Variants in FHIT observed in about 807,000 individuals in gnomAD.
FHIT encodes the protein bis(5'-adenosyl)-triphosphatase.
FHIT carries 19 observed loss-of-function variants against 17.9 expected under a neutral mutation model. The observed-to-expected ratio is 1.06, with a 90% CI of 0.74 to 1.56. FHIT has a LOEUF of 1.56. FHIT is among the 40% of genes most tolerant of loss of function. FHIT has a pLI of 0.00. For missense variants in FHIT, 248 were observed against 189.2 expected (o/e 1.31, Z -1.82); for synonymous variants, 81 against 69.7 (o/e 1.16, Z -0.81).
At chr3:60,122,381 T>A (rs139599553) in intron 5 of FHIT, among the ~76,000 whole-genome samples, 1 of 151,928 alleles carries the variant, frequency 6.6e-6, no homozygotes, top group African/African-American at 2.4e-5. Context: ...AACATTTGAG[T>A]TCATGAAATA....
intron 8 of FHIT, among the ~76,000 whole-genome samples, chr3:59,877,783 A>C (rs1313244188): frequency 6.6e-6 from 1 of 152,236 alleles, no homozygotes; most frequent in Non-Finnish European, 1.5e-5. Context: ...TCCTATAAGA[A>C]TACTAGCCAT....
chr3:60,160,821 A>AGT (rs1559687221), intron 5 of FHIT, among the ~76,000 whole-genome samples: 2 of 128,056 alleles, frequency 1.6e-5, no homozygotes, highest in African/African-American at 5.5e-5. Context: ...CATGTGTGTG[A>AGT]GTGTGACAGA....
intron 8 of FHIT, among the ~76,000 whole-genome samples, chr3:59,797,855 A>C (rs1214550360): frequency 6.6e-6 from 1 of 152,222 alleles, no homozygotes; most frequent in Non-Finnish European, 1.5e-5. Flanking sequence ...AGACATTTTT[A>C]TTAACAGAAC....
At chr3:60,046,491 G>C (rs1701659599) in intron 5 of FHIT, among the ~76,000 whole-genome samples, 1 of 152,198 alleles carries the variant, frequency 6.6e-6, no homozygotes, top group Non-Finnish European at 1.5e-5. Context: ...CCTGTCTAAA[G>C]TATATATGAC....
At chr3:59,898,610 T>G (rs1240645305) in intron 8 of FHIT, among the ~76,000 whole-genome samples, 3 of 152,170 alleles carry the variant, frequency 2.0e-5, no homozygotes, top group African/African-American at 7.2e-5. Context: ...AGCTGCATCA[T>G]TTAGATAATA....
intron 8 of FHIT, among the ~76,000 whole-genome samples, chr3:59,794,117 C>T (rs979850222): frequency 1.3e-5 from 2 of 152,176 alleles, no homozygotes; most frequent in African/African-American, 4.8e-5. Flanking sequence ...TACCAGATTG[C>T]TCCAGCGGAT....
intron 5 of FHIT, among the ~76,000 whole-genome samples, chr3:60,423,398 A>C (rs916177105): frequency 9.9e-5 from 15 of 152,100 alleles, no homozygotes; most frequent in African/African-American, 3.6e-4. Context: ...CCCAGTCAAA[A>C]ACAGAGCGTG....
chr3:60,195,372 T>C (rs911992596), intron 5 of FHIT, among the ~76,000 whole-genome samples: 1 of 151,606 alleles, frequency 6.6e-6, no homozygotes, highest in Non-Finnish European at 1.5e-5. Flanking sequence ...ATCTAAAAGT[T>C]GACCTACCAT....
intron 8 of FHIT, among the ~76,000 whole-genome samples, chr3:59,901,087 T>G (rs1704309822): frequency 1.3e-5 from 2 of 152,250 alleles, no homozygotes; most frequent in Non-Finnish European, 2.9e-5. Flanking sequence ...TGTTCTCATT[T>G]AATCCTGTTT....
At chr3:60,716,061 G>A (rs1208655458) in intron 4 of FHIT, among the ~76,000 whole-genome samples, 1 of 152,020 alleles carries the variant, frequency 6.6e-6, no homozygotes, top group Non-Finnish European at 1.5e-5. Context: ...GACCAACATT[G>A]CAAAACCCTG....
At chr3:60,096,630 G>C (rs1357165860) in intron 5 of FHIT, among the ~76,000 whole-genome samples, 1 of 152,106 alleles carries the variant, frequency 6.6e-6, no homozygotes, top group East Asian at 1.9e-4. Context: ...TCATCAGTTT[G>C]TTTTCCCTGT....
chr3:61,070,082 C>T (rs13067370), intron 2 of FHIT, among the ~76,000 whole-genome samples: 71,546 of 151,874 alleles, frequency 0.47, 19,824 homozygotes, highest in Non-Finnish European at 0.64. Context: ...TTAGTAGAGA[C>T]GGGGTTTCAC....
At chr3:60,554,143 A>G (rs540875281) in intron 4 of FHIT, among the ~76,000 whole-genome samples, 1 of 152,206 alleles carries the variant, frequency 6.6e-6, no homozygotes, top group East Asian at 1.9e-4. Flanking sequence ...AATAAAAAGG[A>G]AACAGATTTC....
chr3:60,434,448 A>G (rs572688006), intron 5 of FHIT, among the ~76,000 whole-genome samples: 1 of 151,992 alleles, frequency 6.6e-6, no homozygotes, highest in Non-Finnish European at 1.5e-5. Context: ...GAGGGATGGC[A>G]GGGTTGCATA....
At chr3:60,542,730 A>G (rs1203227936) in intron 4 of FHIT, among the ~76,000 whole-genome samples, 1 of 152,162 alleles carries the variant, frequency 6.6e-6, no homozygotes, top group Non-Finnish European at 1.5e-5. Flanking sequence ...CGTTCCCTCC[A>G]TTGAACAGAA....
intron 2 of FHIT, among the ~76,000 whole-genome samples, chr3:61,166,500 C>T (rs1464327395): frequency 6.6e-6 from 1 of 152,216 alleles, no homozygotes; most frequent in Non-Finnish European, 1.5e-5. Flanking sequence ...ATTGTCTCTA[C>T]TTACAAACCT....
chr3:60,107,496 G>T (rs916667780), intron 5 of FHIT, among the ~76,000 whole-genome samples: 1 of 152,124 alleles, frequency 6.6e-6, no homozygotes, highest in Non-Finnish European at 1.5e-5. Flanking sequence ...TCCACAGAGG[G>T]AACATGATGG....
intron 5 of FHIT, among the ~76,000 whole-genome samples, chr3:60,349,882 A>G (rs537090051): frequency 6.6e-6 from 1 of 152,316 alleles, no homozygotes; most frequent in East Asian, 1.9e-4. Context: ...TGTCAACTCC[A>G]TGAGGGTAAA....
rs1701908764 is a variant in FHIT, at chr3:60,820,992, T to TC, written c.-18+926_-18+927insG. ...TATTATTATTATTATTATGGGGTTT[T>TC]TTTGGCAGGGTCTCACTCTGTCGCC... On this transcript the variant is annotated intron_variant, in intron 4 of 9. Transcript: ENST00000492590. Among the ~76,000 whole-genome samples, 9 of 125,814 alleles carry TC rather than the reference T, an allele frequency of 7.2e-5. No individual in the cohort carries two copies. In the East Asian group the frequency reaches 1.2e-3, roughly 17 times the overall value. 82.5% of individuals were successfully genotyped at this position (125,814 alleles called of 152,430 possible).
Sources: allele counts gnomAD v4.1 joint callset (sites outside exome capture counted in the v4.1 genomes callset), GRCh38; gene constraint gnomAD v4.1.1; transcripts MANE v1.5; gene names NCBI Gene and HGNC (gene_info 2026-07-23, HGNC 2026-07-21).